Variants in SLFN12 observed in about 807,000 individuals in gnomAD.
The protein encoded by SLFN12 is schlafen family member 12.
In SLFN12, 25 loss-of-function variants were observed where a neutral mutation model predicts 29.1. The observed-to-expected ratio is 0.86, with a 90% CI of 0.63 to 1.20. SLFN12 has a LOEUF of 1.20. Among genes scored for constraint, SLFN12 ranks in the 50% most tolerant of loss-of-function variants. The probability of loss-of-function intolerance (pLI) is 0.00; values close to 1 mark genes in which losing one functional copy is unlikely to be tolerated. For synonymous variants in SLFN12, 257 were observed against 238.7 expected (o/e 1.08, Z -0.71); for missense variants, 660 against 666.2 (o/e 0.99, Z 0.10).
In SLFN12 at chr17:35,418,846, GTATT is replaced by G. The variant is rs199625820; in HGVS notation, c.1147+1424_1147+1427del. Reference sequence around the variant, plus strand: ...ATTACTGTCTATTGAGATGGATTGTGTATTTATTTATTTGTTTGTTTGTTTGTTT... The same window carrying G: ...ATTACTGTCTATTGAGATGGATTGTGTATTTATTTGTTTGTTTGTTTGTTT... On this transcript the variant is annotated intron_variant, in intron 3 of 3. Coordinates refer to ENST00000304905, the MANE Select transcript of SLFN12 (RefSeq NM_018042.5). Among the ~76,000 whole-genome samples, 637 of 151,044 alleles carry G rather than the reference GTATT, an allele frequency of 4.2e-3. 7 individuals carry two copies. The highest frequency in any genetic ancestry group is 0.014 in the African/African-American group (590 of 41,330).
intron 3 of SLFN12, among the ~76,000 whole-genome samples, chr17:35,414,577 A>C (rs1364117143): frequency 6.6e-6 from 1 of 152,078 alleles, no homozygotes. Flanking sequence ...CAAAATTCCC[A>C]TGTCATTTTT....
chr17:35,414,866 A>G (rs1029467180), intron 3 of SLFN12, among the ~76,000 whole-genome samples: 1 of 152,170 alleles, frequency 6.6e-6, no homozygotes, highest in African/African-American at 2.4e-5. Flanking sequence ...GAAATCATAG[A>G]TGAAACAAAC....
At chr17:35,423,550 C>G (rs1911828384) in intron 1 of SLFN12, among the ~76,000 whole-genome samples, 2 of 152,012 alleles carry the variant, frequency 1.3e-5, no homozygotes, top group South Asian at 2.1e-4. Flanking sequence ...TCCAACATGT[C>G]ATGTTAATTA....
chr17:35,421,759 C>T (rs1271125451), intron 2 of SLFN12, among the ~76,000 whole-genome samples: 7 of 151,966 alleles, frequency 4.6e-5, no homozygotes, highest in East Asian at 1.9e-4. Flanking sequence ...CAGGGATGGT[C>T]TCTATCTCCT....
At chr17:35,424,393 T>C (rs561876309) in intron 1 of SLFN12, among the ~76,000 whole-genome samples, 83 of 150,970 alleles carry the variant, frequency 5.5e-4, no homozygotes, top group Admixed American at 9.8e-4. Context: ...AGTTAAGAAG[T>C]ATGACTTAAG....
chr17:35,411,236 G>A lies in SLFN12; in HGVS notation c.*102C>T. Reference sequence around the variant, plus strand: ...ACCCAATTATCCAACATCACATTAAGTTGCTTAACTTGCAAAGTTTTCAAA... The same window carrying A: ...ACCCAATTATCCAACATCACATTAAATTGCTTAACTTGCAAAGTTTTCAAA... On this transcript the variant is annotated 3_prime_UTR_variant, in exon 4 of 4. Transcript: ENST00000304905. 1 of 852,722 alleles carries A rather than the reference G, an allele frequency of 1.2e-6. No homozygotes were observed. The allele number at this position is 852,722 out of a possible 1,614,324, so 52.8% of individuals were successfully genotyped here.
chr17:35,422,315 G>T lies in SLFN12; in HGVS notation c.714C>A (p.Phe238Leu). The change falls in exon 2 of 4, where the codon TTC (phenylalanine) becomes TTA (leucine). Residue 238 changes from phenylalanine (F) to leucine (L), a missense_variant. Transcript: ENST00000304905. Reference sequence around the variant, plus strand: ...TTTCTTTATCTTCATTTAAACCAATGAACAAATATCCTCCATCAGTATTTG... The same window carrying T: ...TTTCTTTATCTTCATTTAAACCAATTAACAAATATCCTCCATCAGTATTTG... ...AFANTDGGYL[F>L]IGLNEDKEII... The T allele has an allele frequency of 1.2e-6, 2 of 1,613,858 alleles. No homozygotes were observed. Among genetic ancestry groups the T allele is most frequent in the Non-Finnish European group, 1.7e-6 (2 of 1,179,920 alleles).
At chr17:35,421,369 T>G (rs1275003184) in intron 2 of SLFN12, among the ~76,000 whole-genome samples, 1 of 151,516 alleles carries the variant, frequency 6.6e-6, no homozygotes, top group East Asian at 1.9e-4. Context: ...AGGAAAAGGA[T>G]TAAACGGGGT....
At chr17:35,432,990 G>T (rs1389638515), upstream of SLFN12, 1 of 152,236 alleles carries the variant, frequency 6.6e-6, no homozygotes, top group East Asian at 1.9e-4. Flanking sequence ...GCAACTGGAA[G>T]TTAAAAACCC....
chr17:35,412,968 A>AACTTATT (rs1424844467), intron 3 of SLFN12, among the ~76,000 whole-genome samples: 1 of 151,996 alleles, frequency 6.6e-6, no homozygotes, highest in Non-Finnish European at 1.5e-5. Context: ...TGGTAATAAG[A>AACTTATT]ACTTATTTGA....
At chr17:35,423,689 T>C (rs1911836911) in intron 1 of SLFN12, among the ~76,000 whole-genome samples, 1 of 152,156 alleles carries the variant, frequency 6.6e-6, no homozygotes, top group African/African-American at 2.4e-5. Flanking sequence ...AATTCTTATA[T>C]ACAAAACACC....
At chr17:35,415,292 G>A (rs1014967594) in intron 3 of SLFN12, among the ~76,000 whole-genome samples, 1 of 152,016 alleles carries the variant, frequency 6.6e-6, no homozygotes, top group African/African-American at 2.4e-5. Context: ...AAATGGTGCT[G>A]GGATAATCGG....
rs774299671 is a variant in SLFN12 at position 35,422,900 on chromosome 17, A to AGACC, written c.128_129insGGTC (p.Ser43ArgfsTer21). The stretch of plus-strand genomic sequence containing the variant: ...GCAGAGCACACATAGCTCGTGAGAC[A>AGACC]CTTTCATTCTGCTTTTTTCTCAGTT... On this transcript the variant is annotated frameshift_variant, in exon 2 of 4. Transcript: ENST00000304905. LOFTEE classifies it high-confidence loss of function. The AGACC allele has an allele frequency of 8.7e-6, 14 of 1,613,610 alleles. No individual in the cohort carries two copies. The Middle Eastern group carries it at 4.9e-4, about 57-fold the overall frequency.
Position 35,411,267 on chromosome 17 carries a change from A to G in SLFN12, c.*71T>C. 8.4e-7 allele frequency: 1 copy of G among 1,187,328 alleles called. No individual in the cohort carries two copies. The highest frequency in any genetic ancestry group is 1.2e-6 in the Non-Finnish European group (1 of 864,130). The allele number at this position is 1,187,328 out of a possible 1,614,324, so 73.5% of individuals were successfully genotyped here. A position where few individuals can be genotyped will look rare whatever the true frequency, so the allele number is the denominator to read the frequency against. On this transcript the variant is annotated 3_prime_UTR_variant, in exon 4 of 4. Transcript: ENST00000304905. The stretch of plus-strand genomic sequence containing the variant: ...TAACTTGCAAAGTTTTCAAAGAAAT[A>G]TTTTCACAGAATTAGAGAATGTTAT...
intron 3 of SLFN12, among the ~76,000 whole-genome samples, chr17:35,416,790 A>C (rs12943300): frequency 0.082 from 12,508 of 152,114 alleles, 1,611 homozygotes; most frequent in African/African-American, 0.28. Context: ...ACAGTGGCTC[A>C]AGCCTGTAAT....
chr17:35,429,149 G>A (rs1849734), intron 1 of SLFN12, among the ~76,000 whole-genome samples: 18,743 of 151,940 alleles, frequency 0.12, 1,592 homozygotes, highest in South Asian at 0.27. Context: ...GCTGGGCTCT[G>A]TGTAAACTTT....
intron 1 of SLFN12, among the ~76,000 whole-genome samples, chr17:35,429,316 T>G (rs1268111599): frequency 6.6e-6 from 1 of 152,070 alleles, no homozygotes; most frequent in Non-Finnish European, 1.5e-5. Context: ...TAGCCTGGGA[T>G]CCCGGTCACC....
At chr17:35,431,723 A>T (rs1457738705) in intron 1 of SLFN12, among the ~76,000 whole-genome samples, 1 of 152,236 alleles carries the variant, frequency 6.6e-6, no homozygotes, top group African/African-American at 2.4e-5. Flanking sequence ...CATCCTTATA[A>T]TTTGATAAGG....
intron 3 of SLFN12, among the ~76,000 whole-genome samples, chr17:35,418,006 A>C (rs1286419377): frequency 6.6e-6 from 1 of 152,158 alleles, no homozygotes; most frequent in Non-Finnish European, 1.5e-5. Context: ...CAAGGATACA[A>C]CTTACTGATA....
Sources: gnomAD v4.1 joint callset for allele counts (sites outside exome capture counted in the v4.1 genomes callset) on GRCh38, gnomAD v4.1.1 for gene constraint, MANE v1.5 for transcripts, NCBI Gene and HGNC (gene_info 2026-07-23, HGNC 2026-07-21) for gene names.